Variants in YME1L1 observed in about 807,000 individuals in gnomAD.
YME1L1 encodes the protein YME1 like 1 ATPase.
In YME1L1, 39 loss-of-function variants were observed where a neutral mutation model predicts 90.4. The observed-to-expected ratio is 0.43, with a 90% CI of 0.33 to 0.56. The LOEUF is 0.56. Among genes scored for constraint, YME1L1 ranks in the 20% least tolerant of loss-of-function variants. The pLI, the probability that YME1L1 is intolerant of heterozygous loss-of-function variation, is 0.03. For synonymous variants in YME1L1, 284 were observed against 287.3 expected (o/e 0.99, Z 0.12); for missense variants, 617 against 868.4 (o/e 0.71, Z 3.64).
intron 5 of YME1L1, 111 bp downstream of exon 5, chr10:27,136,165 T>C: frequency 1.2e-6 from 1 of 865,034 alleles, no homozygotes; most frequent in East Asian, 2.5e-5. Flanking sequence ...TTATTATTAG[T>C]GGAAAGAAGG....
chr10:27,133,043 A>G (rs1482417251), intron 7 of YME1L1, among the ~76,000 whole-genome samples: 2 of 152,202 alleles, frequency 1.3e-5, no homozygotes, highest in African/African-American at 4.8e-5. Context: ...TTTTTAACAA[A>G]CACTTCAATT....
intron 13 of YME1L1, 59 bp from the exon 14 acceptor site, chr10:27,119,508 C>G: frequency 6.5e-7 from 1 of 1,537,316 alleles, no homozygotes; most frequent in Non-Finnish European, 8.7e-7. Flanking sequence ...GAAAGCTCTT[C>G]ACAAAGAACT....
chr10:27,145,773 A>G, intron 2 of YME1L1, 183 bp from the exon 3 acceptor site: 1 of 472,632 alleles, frequency 2.1e-6, no homozygotes, highest in Non-Finnish European at 3.5e-6. Flanking sequence ...GATCAGTCAT[A>G]TGAGGTTTGA....
At chr10:27,128,030 T>G (rs2135863883) in intron 8 of YME1L1, among the ~76,000 whole-genome samples, 1 of 152,276 alleles carries the variant, frequency 6.6e-6, no homozygotes, top group East Asian at 1.9e-4. Flanking sequence ...AACTATATTC[T>G]CTCTCCAAAT....
At chr10:27,122,232 T>A (rs907364670) in intron 11 of YME1L1, among the ~76,000 whole-genome samples, 9 of 152,194 alleles carry the variant, frequency 5.9e-5, no homozygotes, top group African/African-American at 1.7e-4. Context: ...CATCTCTGAC[T>A]ACATACCTTC....
In YME1L1 at chr10:27,111,798, T is replaced by G; in HGVS notation, c.*179A>C. The G allele has an allele frequency of 1.3e-6, 1 of 775,110 alleles. No homozygotes were observed. Among genetic ancestry groups the G allele is most frequent in the Non-Finnish European group, 2.2e-6 (1 of 449,770 alleles). The allele number at this position is 775,110 out of a possible 1,614,324, so 48.0% of individuals were successfully genotyped here. A position where few individuals can be genotyped will look rare whatever the true frequency, so the allele number is the denominator to read the frequency against. ...TTTGCCATGGGATGCTAATTTGCAATAGGTGTCATAATGAGAATAACCCAA... is the reference window on the plus strand; with the variant it reads ...TTTGCCATGGGATGCTAATTTGCAAGAGGTGTCATAATGAGAATAACCCAA... On this transcript the variant is annotated 3_prime_UTR_variant, in exon 19 of 19. Coordinates refer to ENST00000376016, the MANE Select transcript of YME1L1 (RefSeq NM_014263.4).
In YME1L1 at chr10:27,134,952, A is replaced by T; in HGVS notation, c.570T>A (p.Asp190Glu). Residue 190 changes from aspartate (D) to glutamate (E), a missense_variant, in exon 6 of 19, where the codon GAT (aspartate) becomes GAA (glutamate). Asp to Glu is a conservative substitution (Grantham distance 45, BLOSUM62 2). Coordinates refer to ENST00000376016, the MANE Select transcript of YME1L1 (RefSeq NM_014263.4). ...KGFLLRDRGSDVESLDKLMKT... is the reference protein window; with the variant it reads ...KGFLLRDRGSEVESLDKLMKT... ...TCATGAGTTTGTCCAAACTCTCAAC[A>T]TCTGATCCTCTGTCCCGCAAAAGAA... 6.2e-7 allele frequency: 1 copy of T among 1,612,984 alleles called. No individual in the cohort carries two copies. The highest frequency in any genetic ancestry group is 1.1e-5 in the South Asian group (1 of 91,030).
chr10:27,113,185 A>G (rs1218171743), intron 18 of YME1L1, among the ~76,000 whole-genome samples: 3 of 143,420 alleles, frequency 2.1e-5, no homozygotes, highest in African/African-American at 5.2e-5. Context: ...ACAGCACTGC[A>G]CTCCAGCCTG....
intron 4 of YME1L1, among the ~76,000 whole-genome samples, chr10:27,141,967 C>G (rs139063524): frequency 6.6e-6 from 1 of 152,188 alleles, no homozygotes; most frequent in Non-Finnish European, 1.5e-5. Flanking sequence ...TTTGATTTTA[C>G]TGTCAATTTG....
chr10:27,119,821 CAA>C (rs34827143), intron 13 of YME1L1, among the ~76,000 whole-genome samples: 2 of 132,822 alleles, frequency 1.5e-5, no homozygotes, highest in African/African-American at 2.7e-5. Flanking sequence ...AAAAAAAAAC[CAA>C]AAAAAAAAAA....
Position 27,134,816 on chromosome 10 carries a change from G to A in YME1L1, c.691+15C>T, listed in dbSNP as rs1254546882. Reference sequence around the variant, plus strand: ...GTTACTCTTCTCAAACACGGATGGTGTCAATTCAACTTACCATTGGTTTTT... The same window carrying A: ...GTTACTCTTCTCAAACACGGATGGTATCAATTCAACTTACCATTGGTTTTT... On this transcript the variant is annotated intron_variant, in intron 6 of 18. Transcript: ENST00000376016. 2.5e-6 allele frequency: 4 copies of A among 1,612,468 alleles called. No individual in the cohort carries two copies. The highest frequency in any genetic ancestry group is 1.7e-5 in the Admixed American group (1 of 59,912).
At chr10:27,133,632 G>T (rs1214671431) in intron 7 of YME1L1, among the ~76,000 whole-genome samples, 3 of 151,978 alleles carry the variant, frequency 2.0e-5, no homozygotes, top group African/African-American at 7.3e-5. Flanking sequence ...TAGTGGAAAA[G>T]GTAATTGGAA....
At chr10:27,112,715 C>A (rs1024874667) in intron 18 of YME1L1, among the ~76,000 whole-genome samples, 2 of 151,926 alleles carry the variant, frequency 1.3e-5, no homozygotes, top group African/African-American at 4.8e-5. Context: ...CTCTCTCTCT[C>A]TATTTTTTTT....
chr10:27,123,659 A>G lies in YME1L1; in HGVS notation c.990T>C (p.Leu330=). ...CTTCTCCCGCCACAGCTCGGGCAAG[A>G]AGTGTCTTTCCAGTCCCTGGGGGTC... The part of the protein sequence containing the change: ...LVGPPGTGKT[L]LARAVAGEAD... Residue 330 remains leucine, a synonymous_variant, in exon 10 of 19, where the codon CTT becomes CTC. Coordinates refer to ENST00000376016, the MANE Select transcript of YME1L1 (RefSeq NM_014263.4). 6.2e-7 allele frequency: 1 copy of G among 1,613,756 alleles called. No homozygotes were observed. The highest frequency in any genetic ancestry group is 8.5e-7 in the Non-Finnish European group (1 of 1,179,816).
At chr10:27,119,643 T>G (rs2056846703) in intron 13 of YME1L1, among the ~76,000 whole-genome samples, 194 bp from the exon 14 acceptor site, 1 of 152,126 alleles carries the variant, frequency 6.6e-6, no homozygotes, top group African/African-American at 2.4e-5. Context: ...ACCCCATCTC[T>G]ACTAAAAATA....
chr10:27,140,970 C>T (rs1297891637), intron 4 of YME1L1, among the ~76,000 whole-genome samples: 1 of 152,204 alleles, frequency 6.6e-6, no homozygotes, highest in Non-Finnish European at 1.5e-5. Context: ...CTGTCTTCTT[C>T]TGTCTTCTGC....
At chr10:27,126,572 G>T in intron 9 of YME1L1, 124 bp downstream of exon 9, 3 of 547,550 alleles carry the variant, frequency 5.5e-6, no homozygotes, top group Non-Finnish European at 9.4e-6. Context: ...CATCTATTTT[G>T]TAAAATAGCA....
chr10:27,117,550 A>G, intron 15 of YME1L1, 26 bp downstream of exon 15: 1 of 1,605,988 alleles, frequency 6.2e-7, no homozygotes, highest in Non-Finnish European at 8.5e-7. Flanking sequence ...CCTGGGTGAC[A>G]GGGCGAGACA....
In YME1L1 at chr10:27,134,923, G is replaced by A; in HGVS notation, c.599C>T (p.Thr200Ile). The part of the protein sequence containing the change: ...DVESLDKLMK[T>I]KNIPEAHQDA... Reference sequence around the variant, plus strand: ...TTGGTGAGCTTCAGGTATATTTTTGGTTTTCATGAGTTTGTCCAAACTCTC... The same window carrying A: ...TTGGTGAGCTTCAGGTATATTTTTGATTTTCATGAGTTTGTCCAAACTCTC... The change falls in exon 6 of 19, where the codon ACC becomes ATC. Residue 200 changes from threonine to isoleucine, a missense_variant. Around this residue, in one of 4 missense-constraint regions of YME1L1, gnomAD observed 311 missense variants for 335.8 expected, o/e 0.93. Coordinates refer to ENST00000376016, the MANE Select transcript of YME1L1 (RefSeq NM_014263.4). 6.2e-7 allele frequency: 1 copy of A among 1,613,556 alleles called. No individual in the cohort carries two copies. The highest frequency in any genetic ancestry group is 8.5e-7 in the Non-Finnish European group (1 of 1,179,970).
Sources: allele counts gnomAD v4.1 joint callset (sites outside exome capture counted in the v4.1 genomes callset), GRCh38; gene constraint gnomAD v4.1.1; regional missense constraint gnomAD v4.1.1; transcripts MANE v1.5; gene names NCBI Gene and HGNC (gene_info 2026-07-23, HGNC 2026-07-21).